Variants in NMI observed in about 807,000 individuals in gnomAD.
NMI encodes the protein N-myc and STAT interactor, also known as N-myc-interactor.
Under a neutral mutation model 34.3 loss-of-function variants are expected in NMI, and 39 were observed. That is an observed-to-expected ratio of 1.14 (90% CI 0.88 to 1.49). The LOEUF is 1.49. Ranked by LOEUF, NMI falls within the 40% of genes most tolerant of loss-of-function variation. NMI has a pLI of 0.00. For synonymous variants in NMI, 113 were observed against 120.3 expected, an observed-to-expected ratio of 0.94 and a Z score of 0.40; for missense variants, 339 against 358.1, an observed-to-expected ratio of 0.95 and a Z score of 0.43.
intron 6 of NMI, among the ~76,000 whole-genome samples, chr2:151,272,365 T>A (rs1369730098): frequency 6.6e-6 from 1 of 152,250 alleles, no homozygotes; most frequent in Non-Finnish European, 1.5e-5. Flanking sequence ...ATGTTTTTTA[T>A]GACTCTTCTC....
intron 1 of NMI, among the ~76,000 whole-genome samples, chr2:151,287,701 G>A (rs933439125): frequency 6.6e-6 from 1 of 152,062 alleles, no homozygotes; most frequent in Non-Finnish European, 1.5e-5. Context: ...AATTACGTGT[G>A]TACCTATGTC....
Position 151,275,805 on chromosome 2 carries a change from C to T in NMI, c.400G>A (p.Glu134Lys). The part of the protein sequence containing the change: ...HHVQIKDVNL[E>K]VTAKPVPLNS... ...AATGGAACTGGCTTGGCCGTAACCT[C>T]CAGATTTACATCTTTTATCTGTACA... The change falls in exon 5 of 8, where the codon GAG becomes AAG. Residue 134 changes from glutamate (E) to lysine (K), a missense_variant. By Grantham distance (56) the Glu-to-Lys change is moderately conservative. Coordinates refer to ENST00000243346, the MANE Select transcript of NMI (RefSeq NM_004688.3). The T allele has an allele frequency of 6.2e-7, 1 of 1,613,574 alleles. No homozygotes were observed. Among genetic ancestry groups the T allele is most frequent in the Non-Finnish European group, 8.5e-7 (1 of 1,179,758 alleles).
intron 3 of NMI, among the ~76,000 whole-genome samples, chr2:151,281,526 A>G (rs1021820581): frequency 1.2e-4 from 18 of 152,350 alleles, no homozygotes; most frequent in Middle Eastern, 3.4e-3. Flanking sequence ...TAGGCAGGAC[A>G]TGACAACACC....
chr2:151,281,904 T>C (rs1388249307), intron 3 of NMI, 44 bp downstream of exon 3: 1 of 938,178 alleles, frequency 1.1e-6, no homozygotes, highest in South Asian at 1.4e-5. Flanking sequence ...CCAAAAACCA[T>C]GCATCCATCA....
At position 151,289,646 on chromosome 2, in the gene NMI, C is replaced by G. The variant is rs1425718908; in HGVS notation, c.-60G>C. 6.6e-6 allele frequency: 1 copy of G among 152,266 alleles called. No individual in the cohort carries two copies. Among genetic ancestry groups the G allele is most frequent in the East Asian group, 1.9e-4 (1 of 5,188 alleles). 9.4% of individuals were successfully genotyped at this position (152,266 alleles called of 1,614,324 possible). Reference sequence around the variant, plus strand: ...CAAGGCCCAGCGCGCCTGCCCTTCCCGGAAAACAGCAGCGCCTGAAACGCC... The same window carrying G: ...CAAGGCCCAGCGCGCCTGCCCTTCCGGGAAAACAGCAGCGCCTGAAACGCC... On this transcript the variant is annotated 5_prime_UTR_variant, in exon 1 of 8. Transcript: ENST00000243346.
intron 1 of NMI, among the ~76,000 whole-genome samples, chr2:151,286,746 C>T (rs1308959631): frequency 6.6e-6 from 1 of 152,170 alleles, no homozygotes; most frequent in Non-Finnish European, 1.5e-5. Context: ...TTGTCCAAGG[C>T]CATTGTATGT....
At chr2:151,280,908 T>C (rs1392030867) in intron 3 of NMI, among the ~76,000 whole-genome samples, 1 of 151,912 alleles carries the variant, frequency 6.6e-6, no homozygotes, top group Non-Finnish European at 1.5e-5. Flanking sequence ...AGTGGTGTGA[T>C]CTCAGCTCAT....
intron 3 of NMI, 47 bp from the exon 4 acceptor site, chr2:151,279,037 T>C: frequency 7.8e-7 from 1 of 1,286,332 alleles, no homozygotes; most frequent in Non-Finnish European, 1.1e-6. Context: ...GAGAAATAAC[T>C]TAAGTCCTTC....
At chr2:151,277,094 A>T (rs1683305114) in intron 4 of NMI, among the ~76,000 whole-genome samples, 1 of 152,200 alleles carries the variant, frequency 6.6e-6, no homozygotes, top group South Asian at 2.1e-4. Context: ...TCTGTCTTAT[A>T]AAACTTCACA....
chr2:151,271,892 A>ATAAT (rs1364684912), intron 6 of NMI, among the ~76,000 whole-genome samples, 160 bp from the exon 7 acceptor site: 1 of 152,218 alleles, frequency 6.6e-6, no homozygotes, highest in East Asian at 1.9e-4. Context: ...TTCACAGTAC[A>ATAAT]TAATTTTGAA....
Position 151,270,857 on chromosome 2 carries a change from T to C in NMI, c.760A>G (p.Lys254Glu), listed in dbSNP as rs1160168356. Residue 254 changes from lysine (K) to glutamate (E), a missense_variant, in exon 8 of 8, where the codon AAG becomes GAG. Physicochemically the swap from Lys to Glu is moderately conservative, Grantham distance 56. Coordinates refer to ENST00000243346, the MANE Select transcript of NMI (RefSeq NM_004688.3). ...KKYQIFSGTS[K>E]RTVLLTGMEG... ...ATTCCTGTCAGAAGCACTGTCCTCT[T>C]AGATGTTCCTGAAAATATCTAAGAA... is the stretch of plus-strand genomic sequence containing the variant. The C allele has an allele frequency of 6.2e-7, 1 of 1,611,844 alleles. No homozygotes were observed. The highest frequency in any genetic ancestry group is 2.2e-5 in the East Asian group (1 of 44,834).
chr2:151,272,727 A>C (rs1177935436), intron 6 of NMI, among the ~76,000 whole-genome samples: 2 of 152,230 alleles, frequency 1.3e-5, no homozygotes, highest in Non-Finnish European at 2.9e-5. Context: ...AAATACACAC[A>C]CACACAGAGA....
chr2:151,280,968 A>C (rs953405565), intron 3 of NMI, among the ~76,000 whole-genome samples: 3 of 151,888 alleles, frequency 2.0e-5, no homozygotes, highest in Non-Finnish European at 4.4e-5. Flanking sequence ...CAGCCTCCCA[A>C]GTAGCTGGGA....
intron 1 of NMI, among the ~76,000 whole-genome samples, chr2:151,288,292 T>C (rs971697320): frequency 1.3e-5 from 2 of 152,186 alleles, no homozygotes; most frequent in Admixed American, 1.3e-4. Flanking sequence ...AGTGTAATCA[T>C]GAGGCTACTT....
chr2:151,289,409 C>G (rs1038773392), intron 1 of NMI, among the ~76,000 whole-genome samples, 184 bp downstream of exon 1: 13 of 152,244 alleles, frequency 8.5e-5, no homozygotes, highest in Non-Finnish European at 1.3e-4. Flanking sequence ...AGGTGCGCCC[C>G]CTCGAAGGCG....
At position 151,271,682 on chromosome 2, in the gene NMI, T is replaced by C; in HGVS notation, c.685A>G (p.Thr229Ala). 1 of 1,586,198 alleles carries C rather than the reference T, an allele frequency of 6.3e-7. No homozygotes were observed. Among genetic ancestry groups the C allele is most frequent in the Non-Finnish European group, 8.6e-7 (1 of 1,159,722 alleles). The change falls in exon 7 of 8, where the codon ACC becomes GCC. Residue 229 changes from threonine (T) to alanine (A), a missense_variant. Thr to Ala is a moderately conservative substitution (Grantham distance 58). Coordinates refer to ENST00000243346, the MANE Select transcript of NMI (RefSeq NM_004688.3). Reference protein sequence around the residue: ...KKEYPLYINQTCHRVTVSPYT... With the variant: ...KKEYPLYINQACHRVTVSPYT... Reference sequence around the variant, plus strand: ...GGAGAAACAGTAACTCTATGGCAGGTTTGATTTATATAAAGAGGGTATTCT... The same window carrying C: ...GGAGAAACAGTAACTCTATGGCAGGCTTGATTTATATAAAGAGGGTATTCT...
chr2:151,271,700 G>T lies in NMI; in HGVS notation c.667C>A (p.Pro223Thr). 1 of 1,572,370 alleles carries T rather than the reference G, an allele frequency of 6.4e-7. No homozygotes were observed. Among genetic ancestry groups the T allele is most frequent in the East Asian group, 2.3e-5 (1 of 44,250 alleles). Residue 223 changes from proline (P) to threonine (T), a missense_variant, in exon 7 of 8, where the codon CCT becomes ACT. Coordinates refer to ENST00000243346, the MANE Select transcript of NMI (RefSeq NM_004688.3). ...ADKILKKKEY[P>T]LYINQTCHRV... ...TGGCAGGTTTGATTTATATAAAGAG[G>T]GTATTCTTTCTTTTTCAAAATCTTG... is the stretch of plus-strand genomic sequence containing the variant.
rs930462778 is a variant in NMI, at chr2:151,270,502, T to C, written c.*191A>G. The stretch of plus-strand genomic sequence containing the variant: ...AAAACTTTTTATTACAGTGCACTTA[T>C]TGTAGTTGAAAACATGCAGCACCAT... On this transcript the variant is annotated 3_prime_UTR_variant, in exon 8 of 8. Coordinates refer to ENST00000243346, the MANE Select transcript of NMI (RefSeq NM_004688.3). 3 of 571,098 alleles carry C rather than the reference T, an allele frequency of 5.3e-6. No individual in the cohort carries two copies. Among genetic ancestry groups the C allele is most frequent in the African/African-American group, 1.9e-5 (1 of 52,816 alleles). 35.4% of individuals were successfully genotyped at this position (571,098 alleles called of 1,614,324 possible).
chr2:151,277,088 T>C (rs1683304844), intron 4 of NMI, among the ~76,000 whole-genome samples: 1 of 152,188 alleles, frequency 6.6e-6, no homozygotes, highest in Admixed American at 6.5e-5. Context: ...TCACTCTCTG[T>C]CTTATAAAAC....
Sources: allele counts gnomAD v4.1 joint callset (sites outside exome capture counted in the v4.1 genomes callset), GRCh38; gene constraint gnomAD v4.1.1; transcripts MANE v1.5; gene names NCBI Gene and HGNC (gene_info 2026-07-23, HGNC 2026-07-21).